Variants in GALNT18 observed in about 807,000 individuals in gnomAD.
GALNT18 encodes polypeptide N-acetylgalactosaminyltransferase 18, also known as GalNAc-transferase 18.
GALNT18 carries 44 observed loss-of-function variants against 69.5 expected under a neutral mutation model. That is an observed-to-expected ratio of 0.63 (90% CI 0.50 to 0.81). GALNT18 has a LOEUF of 0.81. Among genes scored for constraint, GALNT18 ranks in the 40% least tolerant of loss-of-function variants. The pLI, the probability that GALNT18 is intolerant of heterozygous loss-of-function variation, is 0.00. For synonymous variants in GALNT18, 364 were observed against 318.2 expected, an observed-to-expected ratio of 1.14 and a Z score of -1.53; for missense variants, 715 against 810.0, an observed-to-expected ratio of 0.88 and a Z score of 1.42.
At chr11:11,599,307 A>G (rs937411251) in intron 1 of GALNT18, among the ~76,000 whole-genome samples, 2 of 152,006 alleles carry the variant, frequency 1.3e-5, no homozygotes, top group East Asian at 3.8e-4. Context: ...TATAATTTCT[A>G]TATCCTCCTT....
At chr11:11,429,462 C>T (rs1278825177) in intron 3 of GALNT18, among the ~76,000 whole-genome samples, 1 of 152,204 alleles carries the variant, frequency 6.6e-6, no homozygotes, top group Non-Finnish European at 1.5e-5. Flanking sequence ...TCCCACATTT[C>T]CCCTCTGGGG....
At chr11:11,375,032 C>T (rs72853190) in intron 5 of GALNT18, among the ~76,000 whole-genome samples, 9,720 of 152,268 alleles carry the variant, frequency 0.064, 441 homozygotes, top group Middle Eastern at 0.23. Context: ...AAATTTCTCA[C>T]GTGGATTTTC....
chr11:11,445,429 G>A (rs1026406519), intron 2 of GALNT18, among the ~76,000 whole-genome samples: 35 of 152,234 alleles, frequency 2.3e-4, no homozygotes, highest in African/African-American at 8.0e-4. Context: ...TTTGAAATAG[G>A]ATGAGAGTAA....
rs1451156977 is a variant in GALNT18 at position 11,372,472 on chromosome 11, G to A, written c.1092+43C>T. The A allele has an allele frequency of 2.0e-6, 3 of 1,489,302 alleles. No homozygotes were observed. The highest frequency in any genetic ancestry group is 1.1e-5 in the South Asian group (1 of 88,512). 92.3% of individuals were successfully genotyped at this position (1,489,302 alleles called of 1,614,324 possible). A position where few individuals can be genotyped will look rare whatever the true frequency, so the allele number is the denominator to read the frequency against. Reference sequence around the variant, plus strand: ...TCCACCCCCAGACTCATTCACCCTGGTGGGAGCTGAGCCGAGCAGTTTGAG... The same window carrying A: ...TCCACCCCCAGACTCATTCACCCTGATGGGAGCTGAGCCGAGCAGTTTGAG... On this transcript the variant is annotated intron_variant, in intron 6 of 10. Coordinates refer to ENST00000227756, the MANE Select transcript of GALNT18 (RefSeq NM_198516.3). This position sits in a 1 kb window ranked among gnomAD's most constrained non-coding sequence, Gnocchi z 4.9.
chr11:11,478,468 G>A (rs567929431), intron 1 of GALNT18, among the ~76,000 whole-genome samples: 2 of 152,280 alleles, frequency 1.3e-5, no homozygotes, highest in Admixed American at 6.5e-5. Flanking sequence ...GCAGGATAAG[G>A]GACTCCCTGA....
chr11:11,355,134 T>G (rs1289909385), intron 6 of GALNT18, among the ~76,000 whole-genome samples: 2 of 152,230 alleles, frequency 1.3e-5, no homozygotes, highest in Non-Finnish European at 2.9e-5. Context: ...CAATCCACTT[T>G]TTAAAATTAT....
At chr11:11,597,612 G>C (rs1859531119) in intron 1 of GALNT18, among the ~76,000 whole-genome samples, 1 of 149,854 alleles carries the variant, frequency 6.7e-6, no homozygotes, top group Non-Finnish European at 1.5e-5. Context: ...TATTTCTAAG[G>C]TCAGTTGCAA....
At chr11:11,392,339 G>A (rs1369349191) in intron 3 of GALNT18, among the ~76,000 whole-genome samples, 1 of 152,226 alleles carries the variant, frequency 6.6e-6, no homozygotes, top group Non-Finnish European at 1.5e-5. Flanking sequence ...CTACCTTGGA[G>A]TTAAAAAGTC....
intron 3 of GALNT18, among the ~76,000 whole-genome samples, chr11:11,422,990 C>A (rs537607755): frequency 6.8e-4 from 104 of 152,332 alleles, no homozygotes; most frequent in African/African-American, 2.4e-3. Context: ...GACTGAAACA[C>A]CACTGTTCAC....
intron 1 of GALNT18, among the ~76,000 whole-genome samples, chr11:11,507,267 T>G (rs1857084838): frequency 6.6e-6 from 1 of 152,228 alleles, no homozygotes; most frequent in Non-Finnish European, 1.5e-5. Context: ...ACTGAAGACT[T>G]ACTTTATATC....
At chr11:11,406,122 T>A (rs1340679074) in intron 3 of GALNT18, among the ~76,000 whole-genome samples, 1 of 152,230 alleles carries the variant, frequency 6.6e-6, no homozygotes, top group Non-Finnish European at 1.5e-5. Flanking sequence ...GTAACTTATA[T>A]CATCATCTTA....
rs1436764929 is a variant in GALNT18 at position 11,541,316 on chromosome 11, A to G, written c.235+80043T>C. On this transcript the variant is annotated intron_variant, in intron 1 of 10. Transcript: ENST00000227756. The surrounding 1 kb of genome is among the most constrained non-coding windows in gnomAD (Gnocchi z 4.8). Reference sequence around the variant, plus strand: ...TCTCTCCCCTCCCATAGCCAACTGGACACCAGGGCTTCCTCAAACTCCACC... The same window carrying G: ...TCTCTCCCCTCCCATAGCCAACTGGGCACCAGGGCTTCCTCAAACTCCACC... 6.6e-6 allele frequency among the ~76,000 whole-genome samples: 1 copy of G among 152,064 alleles called. No individual in the cohort carries two copies. Among genetic ancestry groups the G allele is most frequent in the Non-Finnish European group, 1.5e-5 (1 of 68,018 alleles).
intron 1 of GALNT18, among the ~76,000 whole-genome samples, chr11:11,493,994 A>G (rs531782645): frequency 8.5e-5 from 13 of 152,268 alleles, no homozygotes; most frequent in Non-Finnish European, 1.6e-4. Context: ...AGGAGCACAC[A>G]TTACCTAAGC....
intron 1 of GALNT18, among the ~76,000 whole-genome samples, chr11:11,593,065 C>G (rs1022323797): frequency 1.4e-4 from 22 of 152,250 alleles, no homozygotes; most frequent in Admixed American, 9.8e-4. Flanking sequence ...ACAGGCACCC[C>G]CCAACGCTCG....
At chr11:11,393,856 A>G (rs1210918538) in intron 3 of GALNT18, among the ~76,000 whole-genome samples, 1 of 152,232 alleles carries the variant, frequency 6.6e-6, no homozygotes, top group East Asian at 1.9e-4. Flanking sequence ...AACTCAAGAA[A>G]TATTACTTCC....
rs1858300258 is a variant in GALNT18, at chr11:11,555,197, G to C, written c.235+66162C>G. On this transcript the variant is annotated intron_variant, in intron 1 of 10. Coordinates refer to ENST00000227756, the MANE Select transcript of GALNT18 (RefSeq NM_198516.3). This position sits in a 1 kb window ranked among gnomAD's most constrained non-coding sequence, Gnocchi z 4.7. ...ATCCCTGATGGGCTGCTCAGGGCGG[G>C]GGTGCCTATCCCCACCCCACCATTC... 6.6e-6 allele frequency among the ~76,000 whole-genome samples: 1 copy of C among 151,592 alleles called. No homozygotes were observed. Among genetic ancestry groups the C allele is most frequent in the South Asian group, 2.1e-4 (1 of 4,824 alleles).
At chr11:11,457,627 G>A (rs1306270075) in intron 1 of GALNT18, among the ~76,000 whole-genome samples, 2 of 152,218 alleles carry the variant, frequency 1.3e-5, no homozygotes, top group Non-Finnish European at 2.9e-5. Context: ...ACCTGGCTGA[G>A]GACCCCTGGC....
intron 3 of GALNT18, among the ~76,000 whole-genome samples, chr11:11,419,912 C>A (rs16909636): frequency 2.0e-5 from 3 of 152,220 alleles, no homozygotes; most frequent in African/African-American, 7.2e-5. Flanking sequence ...CATTCTCTGA[C>A]GGCAGGAACA....
Position 11,347,086 on chromosome 11 carries a change from C to T in GALNT18, c.1093-6082G>A, listed in dbSNP as rs1383196459. Among the ~76,000 whole-genome samples, 1 of 152,156 alleles carries T rather than the reference C, an allele frequency of 6.6e-6. No individual in the cohort carries two copies. The highest frequency in any genetic ancestry group is 1.5e-5 in the Non-Finnish European group (1 of 68,024). On this transcript the variant is annotated intron_variant, in intron 6 of 10. Coordinates refer to ENST00000227756, the MANE Select transcript of GALNT18 (RefSeq NM_198516.3). The surrounding 1 kb of genome is among the most constrained non-coding windows in gnomAD (Gnocchi z 4.0). Reference sequence around the variant, plus strand: ...AGCCACTGGTACAAGGTCAGGGTTACATCTTGTATTGGCCACTCACACAAA... The same window carrying T: ...AGCCACTGGTACAAGGTCAGGGTTATATCTTGTATTGGCCACTCACACAAA...
Sources: allele counts gnomAD v4.1 joint callset (sites outside exome capture counted in the v4.1 genomes callset), GRCh38; gene constraint gnomAD v4.1.1; non-coding constraint Gnocchi (gnomAD v3.1); transcripts MANE v1.5; gene names NCBI Gene and HGNC (gene_info 2026-07-23, HGNC 2026-07-21).